Variants in PLSCR2 observed in about 807,000 individuals in gnomAD.
PLSCR2 encodes PL scramblase 2.
PLSCR2 carries 18 observed loss-of-function variants against 25.3 expected under a neutral mutation model. The observed-to-expected ratio is 0.71, with a 90% CI of 0.49 to 1.06. PLSCR2 has a LOEUF of 1.06. PLSCR2 is among the 50% of genes least tolerant of loss of function. PLSCR2 has a pLI of 0.00. For missense variants in PLSCR2, 243 were observed against 269.5 expected (o/e 0.90, Z 0.69); for synonymous variants, 88 against 87.3 (o/e 1.01, Z -0.04).
chr3:146,495,790 G>A (rs1227505364), intron 1 of PLSCR2: 8 of 831,432 alleles, frequency 9.6e-6, no homozygotes, highest in African/African-American at 1.7e-5. Context: ...CCATTAGGTA[G>A]TTCGTGAATA....
At chr3:146,492,898 T>C (rs1560065197) in intron 1 of PLSCR2, among the ~76,000 whole-genome samples, 1 of 151,606 alleles carries the variant, frequency 6.6e-6, no homozygotes, top group African/African-American at 2.4e-5. Context: ...CTTGCTTTGA[T>C]AGACCACTAG....
intron 1 of PLSCR2, among the ~76,000 whole-genome samples, chr3:146,468,318 G>T (rs2041956733): frequency 6.6e-6 from 1 of 152,300 alleles, no homozygotes. Context: ...CTTAGGAAAA[G>T]TTCAAGAAAG....
intron 1 of PLSCR2, among the ~76,000 whole-genome samples, chr3:146,480,996 C>T (rs985875606): frequency 1.3e-5 from 2 of 152,058 alleles, no homozygotes; most frequent in African/African-American, 4.8e-5. Flanking sequence ...ATGATTAGCT[C>T]AATAGATGCA....
chr3:146,460,063 A>G lies in PLSCR2; in HGVS notation c.-159T>C, dbSNP rs1243162189. The G allele has an allele frequency of 1.9e-5, 30 of 1,561,686 alleles. No individual in the cohort carries two copies. In the East Asian group the frequency reaches 7.1e-4, roughly 37 times the overall value. ...GTGTGTCCAGCCTGGTGCTTAGGGT[A>G]GACAATATGTCCGGGAGGTCCTGAA... On this transcript the variant is annotated 5_prime_UTR_variant, in exon 2 of 7. Coordinates refer to ENST00000610787, the Ensembl canonical transcript of PLSCR2.
At chr3:146,482,114 A>G (rs1037055838) in intron 1 of PLSCR2, among the ~76,000 whole-genome samples, 13 of 152,180 alleles carry the variant, frequency 8.5e-5, no homozygotes, top group African/African-American at 3.1e-4. Flanking sequence ...GACCTAAACC[A>G]TAAAAACCCT....
downstream of PLSCR2, among the ~76,000 whole-genome samples, chr3:146,436,913 G>A (rs1261431201): frequency 2.6e-5 from 4 of 152,192 alleles, no homozygotes; most frequent in East Asian, 7.7e-4. Context: ...CTGTGGGTTT[G>A]TGATAAATAG....
At chr3:146,437,143 A>G (rs975029283), downstream of PLSCR2, among the ~76,000 whole-genome samples, 1 of 151,948 alleles carries the variant, frequency 6.6e-6, no homozygotes, top group African/African-American at 2.4e-5. Context: ...ATCATGGTGG[A>G]TAAACTTTTT....
chr3:146,466,877 A>G (rs974715354), intron 1 of PLSCR2, among the ~76,000 whole-genome samples: 1 of 152,238 alleles, frequency 6.6e-6, no homozygotes, highest in African/African-American at 2.4e-5. Context: ...AATTTCAGTG[A>G]AAGTTGTTAG....
chr3:146,486,724 A>T (rs914982663), intron 1 of PLSCR2, among the ~76,000 whole-genome samples: 1 of 152,146 alleles, frequency 6.6e-6, no homozygotes, highest in Non-Finnish European at 1.5e-5. Flanking sequence ...TTACAGCTGA[A>T]TTCTACCAGA....
intron 2 of PLSCR2, among the ~76,000 whole-genome samples, chr3:146,399,648 AT>A (rs955164648): frequency 2.6e-5 from 4 of 151,796 alleles, no homozygotes; most frequent in Admixed American, 2.6e-4. Flanking sequence ...GTCCTCTTCT[AT>A]TCTGAAAAGT....
intron 1 of PLSCR2, chr3:146,494,757 A>C (rs927552339): frequency 2.6e-5 from 4 of 152,212 alleles, no homozygotes; most frequent in Non-Finnish European, 4.4e-5. Context: ...AGTTCTCCTG[A>C]AGTCTTAGAA....
At chr3:146,491,020 G>A (rs867984064) in intron 1 of PLSCR2, among the ~76,000 whole-genome samples, 1 of 152,226 alleles carries the variant, frequency 6.6e-6, no homozygotes, top group Non-Finnish European at 1.5e-5. Context: ...CTCCCTTAAA[G>A]ACTTCTTGTA....
At chr3:146,478,241 G>A (rs1347127299) in intron 1 of PLSCR2, among the ~76,000 whole-genome samples, 1 of 152,154 alleles carries the variant, frequency 6.6e-6, no homozygotes, top group Non-Finnish European at 1.5e-5. Context: ...GAATTACTTT[G>A]ACGAGATGAC....
intron 1 of PLSCR2, among the ~76,000 whole-genome samples, chr3:146,477,313 G>A (rs1358691179): frequency 6.6e-6 from 1 of 152,176 alleles, no homozygotes; most frequent in Non-Finnish European, 1.5e-5. Flanking sequence ...AAAGGGTGGG[G>A]GGATTTCCCT....
intron 1 of PLSCR2, among the ~76,000 whole-genome samples, chr3:146,487,811 G>GA (rs1240168957): frequency 2.6e-5 from 4 of 151,706 alleles, no homozygotes; most frequent in Non-Finnish European, 5.9e-5. Context: ...CACAGAATTA[G>GA]AAAAAAAACT....
downstream of PLSCR2, among the ~76,000 whole-genome samples, chr3:146,428,688 G>C (rs12494206): frequency 0.48 from 73,263 of 151,916 alleles, 18,667 homozygotes; most frequent in South Asian, 0.7. Context: ...TCTGCATTTT[G>C]ATGCTATGAG....
intron 1 of PLSCR2, among the ~76,000 whole-genome samples, chr3:146,483,038 T>G (rs1279789594): frequency 6.6e-6 from 1 of 151,694 alleles, no homozygotes; most frequent in Non-Finnish European, 1.5e-5. Flanking sequence ...GAGAAAGAAA[T>G]AAAGGGTATT....
At chr3:146,442,462 A>T (rs1248962728) in intron 6 of PLSCR2, among the ~76,000 whole-genome samples, 1 of 152,066 alleles carries the variant, frequency 6.6e-6, no homozygotes, top group Admixed American at 6.6e-5. Context: ...AAAAATAATC[A>T]TAAAATTTGT....
intron 2 of PLSCR2, among the ~76,000 whole-genome samples, chr3:146,420,848 C>A (rs915526043): frequency 2.0e-5 from 3 of 152,024 alleles, no homozygotes; most frequent in Non-Finnish European, 4.4e-5. Context: ...AAAATTCTGG[C>A]TGAATTCATG....
Sources: gnomAD v4.1 joint callset for allele counts (sites outside exome capture counted in the v4.1 genomes callset) on GRCh38, gnomAD v4.1.1 for gene constraint, MANE v1.5 for transcripts, NCBI Gene and HGNC (gene_info 2026-07-23, HGNC 2026-07-21) for gene names.